The following PSG3 variants were observed in gnomAD, a reference collection of about 807,000 sequenced individuals.
PSG3 encodes the protein pregnancy-specific beta-1-glycoprotein 3.
PSG3 carries 61 observed loss-of-function variants against 47.5 expected under a neutral mutation model. That is an observed-to-expected ratio of 1.28 (90% CI 1.05 to 1.59). PSG3 has a LOEUF of 1.59. Among genes scored for constraint, PSG3 ranks in the 40% most tolerant of loss-of-function variants. The pLI is 0.00. For synonymous variants in PSG3, 263 were observed against 198.4 expected (o/e 1.33, Z -2.74); for missense variants, 756 against 524.0 (o/e 1.44, Z -4.32).
In PSG3 at chr19:42,738,964, C is replaced by T. The variant is rs139254222; in HGVS notation, c.190G>A (p.Gly64Ser). Residue 64 changes from glycine (G) to serine (S), a missense_variant, in exon 2 of 7, where the codon GGC becomes AGC. Coordinates refer to ENST00000327495, the MANE Select transcript of PSG3 (RefSeq NM_021016.4). ...LVHNLPQNLAGYIWYKGQMKD... is the reference protein window; with the variant it reads ...LVHNLPQNLASYIWYKGQMKD... ...ATTTGCCCTTTGTACCAGATGTAGC[C>T]AGCAAGATTCTGGGGCAAATTGTGG... is the stretch of plus-strand genomic sequence containing the variant. 1.2e-6 allele frequency: 2 copies of T among 1,613,906 alleles called. No homozygotes were observed. The highest frequency in any genetic ancestry group is 2.7e-5 in the African/African-American group (2 of 74,878).
intron 2 of PSG3, among the ~76,000 whole-genome samples, chr19:42,738,025 C>G (rs752389758): frequency 1.3e-5 from 2 of 152,222 alleles, no homozygotes; most frequent in Non-Finnish European, 2.9e-5. Context: ...TATCTTCTCT[C>G]CTCTGTTTCT....
At position 42,740,329 on chromosome 19, in the gene PSG3, A is replaced by T; in HGVS notation, c.56T>A (p.Leu19Gln). 4 of 1,613,926 alleles carry T rather than the reference A, an allele frequency of 2.5e-6. No homozygotes were observed. Among genetic ancestry groups the T allele is most frequent in the Non-Finnish European group, 3.4e-6 (4 of 1,179,850 alleles). Reference sequence around the variant, plus strand: ...GGAAGTTCTCTCCTCACCTGTGAGCAGGAGCCCCTTCCAGGTGATGCGCTG... The same window carrying T: ...GGAAGTTCTCTCCTCACCTGTGAGCTGGAGCCCCTTCCAGGTGATGCGCTG... ...CTQRITWKGL[L>Q]LTALLLNFWN... Residue 19 changes from leucine to glutamine, a missense_variant, in exon 1 of 7, where the codon CTG becomes CAG. Leu to Gln is a moderately radical substitution (Grantham distance 113). Coordinates refer to ENST00000327495, the MANE Select transcript of PSG3 (RefSeq NM_021016.4).
chr19:42,733,337 C>T (rs1969508544), intron 2 of PSG3: 1 of 572,296 alleles, frequency 1.7e-6, no homozygotes. Flanking sequence ...CAGTCACAGC[C>T]CCTGGTGCCT....
intron 2 of PSG3, among the ~76,000 whole-genome samples, chr19:42,736,823 T>A: frequency 6.6e-6 from 1 of 151,978 alleles, no homozygotes; most frequent in East Asian, 1.9e-4. Context: ...ACATTGGCTC[T>A]AGAGGAAGCC....
At chr19:42,726,473 T>C (rs985212494) in intron 5 of PSG3, among the ~76,000 whole-genome samples, 1 of 152,182 alleles carries the variant, frequency 6.6e-6, no homozygotes, top group African/African-American at 2.4e-5. Context: ...CAAACATCAG[T>C]TGTATTTCAA....
rs1969308023 is a variant in PSG3 at position 42,722,062 on chromosome 19, A to G, written c.*69T>C. On this transcript the variant is annotated 3_prime_UTR_variant, in exon 7 of 7. Coordinates refer to ENST00000327495, the MANE Select transcript of PSG3 (RefSeq NM_021016.4). ...AATTTTGGACTGTAGCTGATGGTAA[A>G]TACTTTGAGGAAGAATGAAAGCAAC... 4.8e-6 allele frequency: 2 copies of G among 414,784 alleles called. No individual in the cohort carries two copies. Among genetic ancestry groups the G allele is most frequent in the Non-Finnish European group, 8.8e-6 (2 of 226,172 alleles). 25.7% of individuals were successfully genotyped at this position (414,784 alleles called of 1,614,324 possible).
rs558901116 is a variant in PSG3 at position 42,734,881 on chromosome 19, G to A, written c.431-1819C>T. Among the ~76,000 whole-genome samples, 18 of 152,280 alleles carry A rather than the reference G, an allele frequency of 1.2e-4. 1 individual carries two copies. The highest frequency in any genetic ancestry group is 4.3e-4 in the African/African-American group (18 of 41,580). On this transcript the variant is annotated intron_variant, in intron 2 of 6. Coordinates refer to ENST00000327495, the MANE Select transcript of PSG3 (RefSeq NM_021016.4). ...AAAAATGGGGAGGACCCCAAAACAG[G>A]TATGTGAAATGCTTTCTTCATTTTC...
chr19:42,726,525 A>T (rs979330857), intron 5 of PSG3, among the ~76,000 whole-genome samples: 12 of 152,342 alleles, frequency 7.9e-5, no homozygotes, highest in Admixed American at 7.8e-4. Context: ...TAAGAAAAAA[A>T]ATTTCAATTT....
At position 42,740,472 on chromosome 19, in the gene PSG3, TCCTC is replaced by T; in HGVS notation, c.-92_-89del. The T allele has an allele frequency of 1.9e-6, 3 of 1,610,360 alleles. No homozygotes were observed. In the South Asian group the frequency reaches 3.3e-5, roughly 18 times the overall value. On this transcript the variant is annotated 5_prime_UTR_variant, in exon 1 of 7. Transcript: ENST00000327495. ...GCATGGCTCTCAGCTGTGCTGTCCT[TCCTC>T]CTTCTGCGCTGAGCCTCTTCCCGGG...
At position 42,723,938 on chromosome 19, in the gene PSG3, A is replaced by G; in HGVS notation, c.*40+4T>C. ...AACCAGGATAAGAGGAAAGGTCATC[A>G]TACCTGCCAGTCTTCCTGAAATACA... On this transcript the variant is annotated splice_donor_region_variant and intron_variant, in intron 6 of 6. Coordinates refer to ENST00000327495, the MANE Select transcript of PSG3 (RefSeq NM_021016.4). 6.4e-7 allele frequency: 1 copy of G among 1,569,536 alleles called. No homozygotes were observed. Among genetic ancestry groups the G allele is most frequent in the Non-Finnish European group, 8.8e-7 (1 of 1,139,528 alleles).
intron 5 of PSG3, among the ~76,000 whole-genome samples, chr19:42,726,206 T>C (rs1216044641): frequency 6.6e-6 from 1 of 152,184 alleles, no homozygotes; most frequent in Non-Finnish European, 1.5e-5. Context: ...GGAGAAAGAC[T>C]GAAAGCTTTC....
At chr19:42,731,745 C>G (rs1969476410) in intron 3 of PSG3, among the ~76,000 whole-genome samples, 1 of 151,562 alleles carries the variant, frequency 6.6e-6, no homozygotes, top group Admixed American at 6.6e-5. Flanking sequence ...TTGATTCCTC[C>G]AATCCATGAA....
rs761233995 is a variant in PSG3, at chr19:42,729,295, G to T, written c.1071C>A (p.Asp357Glu). 8 of 1,614,026 alleles carry T rather than the reference G, an allele frequency of 5.0e-6. No individual in the cohort carries two copies. The highest frequency in any genetic ancestry group is 4.5e-5 in the East Asian group (2 of 44,900). ...AAGAATATTCTGCTGGTGGGTTAGA[G>T]TCCGCGAAGCAGGACAAGTAGAGGT... ...GENLYLSCFA[D>E]SNPPAEYSWT... The change falls in exon 5 of 7, where the codon GAC becomes GAA. Residue 357 changes from aspartate to glutamate, a missense_variant. Asp to Glu is a conservative substitution (Grantham distance 45). Coordinates refer to ENST00000327495, the MANE Select transcript of PSG3 (RefSeq NM_021016.4).
At chr19:42,726,156 G>A (rs952436281) in intron 5 of PSG3, among the ~76,000 whole-genome samples, 4 of 152,070 alleles carry the variant, frequency 2.6e-5, no homozygotes, top group African/African-American at 9.7e-5. Flanking sequence ...TCAACGTAAA[G>A]GCAATATGTG....
intron 1 of PSG3, chr19:42,739,296 C>T (rs1600392863): frequency 1.1e-6 from 1 of 907,672 alleles, no homozygotes. Context: ...AGCAACATGA[C>T]CCCCATTCCT....
At chr19:42,728,720 C>G (rs1568747909) in intron 5 of PSG3, among the ~76,000 whole-genome samples, 1 of 152,212 alleles carries the variant, frequency 6.6e-6, no homozygotes, top group Admixed American at 6.5e-5. Context: ...AAAGTGTCAG[C>G]TTGTTTCAAA....
At position 42,726,601 on chromosome 19, in the gene PSG3, C is replaced by G. The variant is rs185130437; in HGVS notation, c.1243+2522G>C. Among the ~76,000 whole-genome samples, 3 of 152,022 alleles carry G rather than the reference C, an allele frequency of 2.0e-5. No homozygotes were observed. The East Asian group carries it at 5.8e-4, about 29-fold the overall frequency. On this transcript the variant is annotated intron_variant, in intron 5 of 6. Transcript: ENST00000327495. The stretch of plus-strand genomic sequence containing the variant: ...TAACCAAAGAGGTAAAATGATTATA[C>G]CTGAAATCTACAAAATATGGCTGAA...
intron 4 of PSG3, 98 bp from the exon 5 acceptor site, chr19:42,729,475 C>T: frequency 1.3e-6 from 2 of 1,527,070 alleles, no homozygotes; most frequent in South Asian, 1.3e-5. Context: ...AGCCAAGACA[C>T]ACCCTCAAGT....
At position 42,740,451 on chromosome 19, in the gene PSG3, G is replaced by A. The variant is rs533693773; in HGVS notation, c.-67C>T. On this transcript the variant is annotated 5_prime_UTR_variant, in exon 1 of 7. Coordinates refer to ENST00000327495, the MANE Select transcript of PSG3 (RefSeq NM_021016.4). ...TAGGATCCAGAAACTTCCTGAGCAT[G>A]GCTCTCAGCTGTGCTGTCCTTCCTC... 2.5e-6 allele frequency: 4 copies of A among 1,613,316 alleles called. No homozygotes were observed. Among genetic ancestry groups the A allele is most frequent in the Admixed American group, 3.3e-5 (2 of 59,984 alleles).
Sources: allele counts gnomAD v4.1 joint callset (sites outside exome capture counted in the v4.1 genomes callset), GRCh38; gene constraint gnomAD v4.1.1; transcripts MANE v1.5; gene names NCBI Gene and HGNC (gene_info 2026-07-23, HGNC 2026-07-21).